Variants in CTNND2 observed in about 807,000 individuals in gnomAD.
CTNND2 encodes catenin delta 2.
A neutral mutation model predicts 144.4 loss-of-function variants in CTNND2; 22 were observed. The ratio of observed to expected loss-of-function variants is 0.15; its 90% CI spans 0.11 to 0.22. CTNND2 has a LOEUF of 0.22. Among genes scored for constraint, CTNND2 ranks in the 10% least tolerant of loss-of-function variants. The pLI, the probability that CTNND2 is intolerant of heterozygous loss-of-function variation, is 1.00. For missense variants in CTNND2, 1,353 were observed against 1,618.8 expected, an observed-to-expected ratio of 0.84 and a Z score of 2.82; for synonymous variants, 751 against 695.6, an observed-to-expected ratio of 1.08 and a Z score of -1.25.
At chr5:11,718,720 G>A (rs576932358) in intron 2 of CTNND2, among the ~76,000 whole-genome samples, 14 of 152,096 alleles carry the variant, frequency 9.2e-5, no homozygotes, top group African/African-American at 3.1e-4. Context: ...GCTTTGAAAC[G>A]CCTCCTGCAC....
intron 2 of CTNND2, among the ~76,000 whole-genome samples, chr5:11,656,539 T>G (rs998299448): frequency 2.6e-5 from 4 of 152,164 alleles, no homozygotes; most frequent in Middle Eastern, 3.4e-3. Context: ...GCACAAGTTA[T>G]TCCAAACACA....
chr5:11,492,048 A>C (rs1441208181), intron 3 of CTNND2, among the ~76,000 whole-genome samples: 4 of 152,232 alleles, frequency 2.6e-5, no homozygotes, highest in Non-Finnish European at 2.9e-5. Context: ...GCTGCTGGGT[A>C]ATCTTTAAGT....
intron 2 of CTNND2, among the ~76,000 whole-genome samples, chr5:11,701,827 A>T (rs1376092622): frequency 6.6e-6 from 1 of 152,230 alleles, no homozygotes; most frequent in African/African-American, 2.4e-5. Context: ...AAAATAGTTA[A>T]GGATTTTTAT....
chr5:11,044,252 C>A (rs1262259640), intron 16 of CTNND2, among the ~76,000 whole-genome samples: 1 of 152,160 alleles, frequency 6.6e-6, no homozygotes. Context: ...CTCTGTCAAG[C>A]CCGTTTGGCA....
At chr5:11,818,609 C>T (rs563974969) in intron 1 of CTNND2, among the ~76,000 whole-genome samples, 1 of 152,264 alleles carries the variant, frequency 6.6e-6, no homozygotes. Flanking sequence ...TTTGAGTGAT[C>T]CACCCACCTT....
At chr5:11,004,003 T>G (rs58712849) in intron 18 of CTNND2, among the ~76,000 whole-genome samples, 8,884 of 152,310 alleles carry the variant, frequency 0.058, 855 homozygotes, top group African/African-American at 0.2. Context: ...GCTACTGGGC[T>G]AATTCTAAAG....
intron 21 of CTNND2, among the ~76,000 whole-genome samples, chr5:10,975,227 A>G (rs1237108274): frequency 1.3e-5 from 2 of 152,150 alleles, no homozygotes; most frequent in South Asian, 2.1e-4. Flanking sequence ...CTCCACTCCA[A>G]CACAGGGCTG....
intron 1 of CTNND2, among the ~76,000 whole-genome samples, chr5:11,847,055 A>C (rs2126995370): frequency 6.7e-6 from 1 of 149,718 alleles, no homozygotes; most frequent in South Asian, 2.1e-4. Context: ...TTAAAAATAT[A>C]ACTACGGTTT....
chr5:11,770,930 T>C (rs2126824890), intron 1 of CTNND2, among the ~76,000 whole-genome samples: 1 of 152,248 alleles, frequency 6.6e-6, no homozygotes, highest in Non-Finnish European at 1.5e-5. Context: ...AGTTGCTTTC[T>C]GATACTCAGC....
At chr5:11,305,192 G>A (rs1361650047) in intron 9 of CTNND2, among the ~76,000 whole-genome samples, 2 of 151,842 alleles carry the variant, frequency 1.3e-5, no homozygotes, top group Non-Finnish European at 1.5e-5. Flanking sequence ...AGCACCACCC[G>A]ACAGGGCAGG....
At chr5:11,466,880 T>C (rs947750667) in intron 3 of CTNND2, among the ~76,000 whole-genome samples, 2 of 152,224 alleles carry the variant, frequency 1.3e-5, no homozygotes. Context: ...TTCCCACACA[T>C]GCGTGTACTG....
At chr5:11,451,142 G>A (rs992541565) in intron 3 of CTNND2, among the ~76,000 whole-genome samples, 21 of 151,812 alleles carry the variant, frequency 1.4e-4, no homozygotes, top group South Asian at 2.1e-4. Flanking sequence ...TATAAAATAC[G>A]AATATAAAAA....
intron 2 of CTNND2, among the ~76,000 whole-genome samples, chr5:11,567,864 A>AC (rs1384921383): frequency 6.6e-6 from 1 of 152,168 alleles, no homozygotes; most frequent in Non-Finnish European, 1.5e-5. Context: ...ATCTTTCAAC[A>AC]CAGACATTTT....
intron 11 of CTNND2, among the ~76,000 whole-genome samples, chr5:11,191,805 T>C (rs971862472): frequency 3.3e-5 from 5 of 152,200 alleles, no homozygotes; most frequent in Non-Finnish European, 7.4e-5. Context: ...ATCACTCATG[T>C]GGCAGATTTG....
intron 9 of CTNND2, among the ~76,000 whole-genome samples, chr5:11,291,030 G>T (rs75364913): frequency 0.01 from 1,535 of 152,112 alleles, 92 homozygotes; most frequent in Admixed American, 0.081. Flanking sequence ...TCAGATACAT[G>T]AAGAGAAGTG....
At chr5:11,299,324 T>C (rs975764377) in intron 9 of CTNND2, among the ~76,000 whole-genome samples, 7 of 152,280 alleles carry the variant, frequency 4.6e-5, no homozygotes, top group African/African-American at 1.4e-4. Flanking sequence ...TGGTATATAC[T>C]CTCTCAACAA....
intron 1 of CTNND2, among the ~76,000 whole-genome samples, chr5:11,805,438 A>G (rs1791939393): frequency 6.6e-6 from 1 of 152,106 alleles, no homozygotes; most frequent in Admixed American, 6.6e-5. Flanking sequence ...GGCTCCTGGA[A>G]GAAATGGCTG....
At chr5:11,852,821 A>T (rs1198114468) in intron 1 of CTNND2, among the ~76,000 whole-genome samples, 1 of 152,200 alleles carries the variant, frequency 6.6e-6, no homozygotes, top group Non-Finnish European at 1.5e-5. Context: ...AAAAGAAAAG[A>T]GGCAGCTGGA....
intron 10 of CTNND2, among the ~76,000 whole-genome samples, chr5:11,203,310 C>T (rs1737682178): frequency 6.6e-6 from 1 of 152,180 alleles, no homozygotes; most frequent in South Asian, 2.1e-4. Context: ...TCCAATTTAT[C>T]CCCCTAGTCG....
Sources: allele counts gnomAD v4.1 joint callset (sites outside exome capture counted in the v4.1 genomes callset), GRCh38; gene constraint gnomAD v4.1.1; transcripts MANE v1.5; gene names NCBI Gene and HGNC (gene_info 2026-07-23, HGNC 2026-07-21).